Variants in TXNDC11 observed in about 807,000 individuals in gnomAD.
TXNDC11 encodes the protein thioredoxin domain containing 11.
TXNDC11 carries 68 observed loss-of-function variants against 78.0 expected under a neutral mutation model. That is an observed-to-expected ratio of 0.87 (90% CI 0.72 to 1.07). The LOEUF is 1.07. Ranked by LOEUF, TXNDC11 falls within the 50% of genes least tolerant of loss-of-function variation. The pLI, the probability that TXNDC11 is intolerant of heterozygous loss-of-function variation, is 0.00. For synonymous variants in TXNDC11, 571 were observed against 495.2 expected (o/e 1.15, Z -2.03); for missense variants, 1,389 against 1,221.8 (o/e 1.14, Z -2.04).
chr16:11,687,264 T>C (rs1450268180), intron 10 of TXNDC11, among the ~76,000 whole-genome samples: 2 of 152,204 alleles, frequency 1.3e-5, no homozygotes, highest in African/African-American at 2.4e-5. Context: ...CTTATCTATC[T>C]GTAGGGTTTT....
chr16:11,734,415 AAT>A, intron 2 of TXNDC11, among the ~76,000 whole-genome samples: 1 of 152,242 alleles, frequency 6.6e-6, no homozygotes, highest in Admixed American at 6.5e-5. Flanking sequence ...AAGGAGCTGA[AAT>A]TTTTTTTTTA....
At chr16:11,703,063 G>A in intron 5 of TXNDC11, among the ~76,000 whole-genome samples, 1 of 151,966 alleles carries the variant, frequency 6.6e-6, no homozygotes, top group South Asian at 2.1e-4. Flanking sequence ...GGGCCACAGT[G>A]ATGTATCACA....
At chr16:11,687,809 G>C in intron 10 of TXNDC11, 48 bp downstream of exon 10, 3 of 1,282,826 alleles carry the variant, frequency 2.3e-6, no homozygotes, top group Non-Finnish European at 3.4e-6. Context: ...GCAAATAAGA[G>C]TGAAAATGGG....
chr16:11,735,199 A>T (rs2052183936), intron 2 of TXNDC11, among the ~76,000 whole-genome samples: 1 of 152,194 alleles, frequency 6.6e-6, no homozygotes, highest in African/African-American at 2.4e-5. Context: ...TAGGATAATC[A>T]ATTACTAAGA....
At chr16:11,739,991 G>C (rs934974890) in intron 1 of TXNDC11, among the ~76,000 whole-genome samples, 3 of 151,892 alleles carry the variant, frequency 2.0e-5, no homozygotes, top group Non-Finnish European at 4.4e-5. Flanking sequence ...TCAGGAGTTC[G>C]AGACCAGCCT....
chr16:11,715,701 A>G (rs2051509252), intron 5 of TXNDC11, among the ~76,000 whole-genome samples: 1 of 152,276 alleles, frequency 6.6e-6, no homozygotes, highest in Middle Eastern at 3.4e-3. Flanking sequence ...CTCAGTAAAT[A>G]TTATCTGAAA....
At chr16:11,683,961 G>A (rs1407092296) in intron 11 of TXNDC11, among the ~76,000 whole-genome samples, 1 of 152,200 alleles carries the variant, frequency 6.6e-6, no homozygotes, top group African/African-American at 2.4e-5. Context: ...ATGTCGGCCA[G>A]GCTGGTCTCA....
At chr16:11,728,664 G>T (rs2051954383) in intron 4 of TXNDC11, among the ~76,000 whole-genome samples, 1 of 152,168 alleles carries the variant, frequency 6.6e-6, no homozygotes, top group Non-Finnish European at 1.5e-5. Context: ...AGTACTGCTG[G>T]GCTGGGCATG....
chr16:11,716,449 T>G (rs2051529107), intron 5 of TXNDC11, among the ~76,000 whole-genome samples: 1 of 152,212 alleles, frequency 6.6e-6, no homozygotes. Context: ...GTAAAAATGT[T>G]ACAAGAGGAA....
chr16:11,687,841 G>GT lies in TXNDC11; in HGVS notation c.2153+15_2153+16insA, dbSNP rs756518170. 5.1e-6 allele frequency: 8 copies of GT among 1,572,388 alleles called. No individual in the cohort carries two copies. The highest frequency in any genetic ancestry group is 7.0e-6 in the Non-Finnish European group (8 of 1,143,210). On this transcript the variant is annotated intron_variant, in intron 10 of 11. Coordinates refer to ENST00000283033, the MANE Select transcript of TXNDC11 (RefSeq NM_015914.7). ...TGGGCATACAGCCCAAAGCGCTGCA[G>GT]AAGAGGCCTGCTTACCTTGCCACAG...
chr16:11,739,552 T>C (rs1397593162), intron 1 of TXNDC11, among the ~76,000 whole-genome samples: 2 of 152,162 alleles, frequency 1.3e-5, no homozygotes, highest in Non-Finnish European at 2.9e-5. Flanking sequence ...GAAACCCCAA[T>C]TTTCCTATGA....
At chr16:11,714,535 G>T (rs1253508728) in intron 5 of TXNDC11, among the ~76,000 whole-genome samples, 1 of 152,024 alleles carries the variant, frequency 6.6e-6, no homozygotes, top group African/African-American at 2.4e-5. Context: ...AGCTACTCGG[G>T]AAGCTGAGGC....
intron 7 of TXNDC11, among the ~76,000 whole-genome samples, chr16:11,694,463 T>C (rs887418590): frequency 6.6e-6 from 1 of 151,412 alleles, no homozygotes; most frequent in Non-Finnish European, 1.5e-5. Flanking sequence ...ATGCTTTTTT[T>C]TGAGACGGAG....
At position 11,742,461 on chromosome 16, in the gene TXNDC11, G is replaced by A. The variant is rs1408195608; in HGVS notation, c.254+16C>T. The A allele has an allele frequency of 5.0e-6, 7 of 1,410,752 alleles. No individual in the cohort carries two copies. The highest frequency in any genetic ancestry group is 6.4e-6 in the Non-Finnish European group (7 of 1,090,026). The allele number at this position is 1,410,752 out of a possible 1,614,324, so 87.4% of individuals were successfully genotyped here. On this transcript the variant is annotated intron_variant, in intron 1 of 11. Coordinates refer to ENST00000283033, the MANE Select transcript of TXNDC11 (RefSeq NM_015914.7). ...GGGAGCGCCCTAGCGGGGCCCCAGGGTCCGGGCCGCCTCACCTGCAGGTGA... is the reference window on the plus strand; with the variant it reads ...GGGAGCGCCCTAGCGGGGCCCCAGGATCCGGGCCGCCTCACCTGCAGGTGA...
intron 1 of TXNDC11, among the ~76,000 whole-genome samples, chr16:11,739,923 G>A (rs2052341762): frequency 6.6e-6 from 1 of 151,980 alleles, no homozygotes; most frequent in Non-Finnish European, 1.5e-5. Context: ...GCCAGGCGCG[G>A]TGGCTCACAC....
intron 4 of TXNDC11, among the ~76,000 whole-genome samples, chr16:11,724,526 G>A (rs555765588): frequency 2.4e-4 from 36 of 152,212 alleles, no homozygotes; most frequent in African/African-American, 8.7e-4. Flanking sequence ...GACTTTTGGG[G>A]GCTGAGATGG....
chr16:11,738,383 G>C (rs1397767335), intron 1 of TXNDC11, among the ~76,000 whole-genome samples: 1 of 152,246 alleles, frequency 6.6e-6, no homozygotes, highest in Admixed American at 6.5e-5. Context: ...CTGAGCAGCT[G>C]TGACTGTGCT....
chr16:11,688,288 C>T lies in TXNDC11; in HGVS notation c.2043+15G>A, dbSNP rs1183129602. 1.2e-6 allele frequency: 2 copies of T among 1,609,246 alleles called. No individual in the cohort carries two copies. Among genetic ancestry groups the T allele is most frequent in the Non-Finnish European group, 1.7e-6 (2 of 1,178,260 alleles). On this transcript the variant is annotated intron_variant, in intron 9 of 11. Transcript: ENST00000283033. ...GGGACAGATGGCTTAACTTTTGCCT[C>T]TCATGACTCCATACCTGTTTTTGAA...
At chr16:11,735,070 T>C (rs2052180930) in intron 2 of TXNDC11, among the ~76,000 whole-genome samples, 3 of 152,228 alleles carry the variant, frequency 2.0e-5, no homozygotes, top group Admixed American at 2.0e-4. Context: ...CCATTTTACA[T>C]GTGAATCTAA....
Sources: gnomAD v4.1 joint callset for allele counts (sites outside exome capture counted in the v4.1 genomes callset) on GRCh38, gnomAD v4.1.1 for gene constraint, MANE v1.5 for transcripts, NCBI Gene and HGNC (gene_info 2026-07-23, HGNC 2026-07-21) for gene names.